The following CFAP54 variants were observed in gnomAD, a reference collection of about 807,000 sequenced individuals.
CFAP54 encodes cilia and flagella associated protein 54, also known as cilia- and flagella-associated protein 54.
In CFAP54, 290 loss-of-function variants were observed where a neutral mutation model predicts 370.4. The observed-to-expected ratio is 0.78, with a 90% confidence interval of 0.71 to 0.86. The LOEUF is 0.86. CFAP54 is among the 40% of genes least tolerant of loss of function. The probability of loss-of-function intolerance (pLI) is 0.00; values close to 1 mark genes in which losing one functional copy is unlikely to be tolerated. For synonymous variants in CFAP54, 1,206 were observed against 1,236.5 expected, an observed-to-expected ratio of 0.98 and a Z score of 0.52; for missense variants, 3,399 against 3,528.7, an observed-to-expected ratio of 0.96 and a Z score of 0.93.
At chr12:96,625,223 C>A (rs934244356) in intron 28 of CFAP54, among the ~76,000 whole-genome samples, 2 of 152,146 alleles carry the variant, frequency 1.3e-5, no homozygotes, top group African/African-American at 2.4e-5. Flanking sequence ...CTATTATTAT[C>A]TCCATTATAA....
chr12:96,525,344 G>A (rs1353384902), intron 8 of CFAP54, among the ~76,000 whole-genome samples: 1 of 151,322 alleles, frequency 6.6e-6, no homozygotes, highest in African/African-American at 2.4e-5. Context: ...TTATTATTTT[G>A]CTTTTCATAC....
chr12:96,489,960 G>T (rs1319966772), intron 1 of CFAP54, 34 bp downstream of exon 1: 4 of 1,503,446 alleles, frequency 2.7e-6, no homozygotes, highest in Non-Finnish European at 3.5e-6. Context: ...GAGGGCGCCG[G>T]CCAGAGGAGG....
chr12:96,658,477 C>A, intron 38 of CFAP54, 131 bp downstream of exon 38: 1 of 1,117,702 alleles, frequency 8.9e-7, no homozygotes, highest in Non-Finnish European at 1.3e-6. Flanking sequence ...TGGCATTTAT[C>A]ATTCAAATCA....
At chr12:96,791,549 A>G (rs1958693916) in intron 62 of CFAP54, among the ~76,000 whole-genome samples, 1 of 152,202 alleles carries the variant, frequency 6.6e-6, no homozygotes, top group African/African-American at 2.4e-5. Flanking sequence ...GAGGATTTTA[A>G]CTTTTCAGAG....
chr12:96,668,861 G>A (rs1005682295), intron 39 of CFAP54, among the ~76,000 whole-genome samples: 9 of 152,276 alleles, frequency 5.9e-5, no homozygotes, highest in East Asian at 3.9e-4. Context: ...TTGTATATGC[G>A]TATAAATGTA....
intron 38 of CFAP54, among the ~76,000 whole-genome samples, chr12:96,661,618 G>A (rs1013728370): frequency 1.3e-5 from 2 of 152,108 alleles, no homozygotes; most frequent in African/African-American, 2.4e-5. Flanking sequence ...TGGAGACTGC[G>A]GGCATGTTAG....
intron 39 of CFAP54, among the ~76,000 whole-genome samples, chr12:96,675,759 T>TA (rs1243432120): frequency 6.6e-6 from 1 of 152,000 alleles, no homozygotes; most frequent in Non-Finnish European, 1.5e-5. Flanking sequence ...TATGCAGCCA[T>TA]AAAAAATGAT....
At chr12:96,657,125 GGGAAGGCT>G (rs1956930508) in intron 36 of CFAP54, among the ~76,000 whole-genome samples, 1 of 152,156 alleles carries the variant, frequency 6.6e-6, no homozygotes, top group Admixed American at 6.5e-5. Context: ...TTATTGGGAT[GGGAAGGCT>G]GGACTTGAGT....
chr12:96,695,465 A>G (rs1957432037), intron 45 of CFAP54, among the ~76,000 whole-genome samples: 1 of 152,228 alleles, frequency 6.6e-6, no homozygotes. Context: ...TTTGTTACTG[A>G]TCATGAAAAT....
chr12:96,722,132 A>C (rs1057474570), intron 50 of CFAP54, among the ~76,000 whole-genome samples: 16 of 152,064 alleles, frequency 1.1e-4, no homozygotes, highest in African/African-American at 3.1e-4. Context: ...CCTCAGTGCC[A>C]CCCACCAACC....
intron 66 of CFAP54, among the ~76,000 whole-genome samples, chr12:96,847,399 C>T (rs909171621): frequency 1.9e-4 from 29 of 152,142 alleles, no homozygotes; most frequent in Admixed American, 1.8e-3. Context: ...CATCCTTATG[C>T]GTTTTTATGG....
At chr12:96,605,532 A>G (rs1458578033) in intron 26 of CFAP54, among the ~76,000 whole-genome samples, 2 of 152,244 alleles carry the variant, frequency 1.3e-5, no homozygotes, top group Non-Finnish European at 2.9e-5. Context: ...AGAGTGCTGT[A>G]TCTGGACATC....
chr12:96,577,948 G>C (rs1310649563), intron 20 of CFAP54, among the ~76,000 whole-genome samples: 1 of 152,024 alleles, frequency 6.6e-6, no homozygotes, highest in Admixed American at 6.6e-5. Flanking sequence ...TGTAATCCCA[G>C]CTACTCAGGA....
At chr12:96,810,564 A>G (rs890100224) in intron 63 of CFAP54, among the ~76,000 whole-genome samples, 10 of 152,184 alleles carry the variant, frequency 6.6e-5, no homozygotes, top group African/African-American at 2.4e-4. Context: ...AAGCACAGGA[A>G]AATAACAAGA....
At position 96,774,865 on chromosome 12, in the gene CFAP54, T is replaced by TA. The variant is rs1057270629; in HGVS notation, c.8281+9654dup. On this transcript the variant is annotated intron_variant, in intron 60 of 67. Coordinates refer to ENST00000524981, the MANE Select transcript of CFAP54 (RefSeq NM_001306084.2). ...GTTATCTTCTTATTGTATTATAATT[T>TA]AAAAAAATTATTTCTATTAGTTGTT... is the stretch of plus-strand genomic sequence containing the variant. Among the ~76,000 whole-genome samples the TA allele has an allele frequency of 3.9e-5, 6 of 152,282 alleles. No individual in the cohort carries two copies. In the East Asian group the frequency reaches 1.2e-3, roughly 29 times the overall value.
intron 9 of CFAP54, 64 bp from the exon 10 acceptor site, chr12:96,533,728 G>A: frequency 1.6e-6 from 2 of 1,218,254 alleles, no homozygotes; most frequent in Admixed American, 2.9e-5. Flanking sequence ...AGTGTCTATA[G>A]TGAATATTTA....
At chr12:96,668,521 T>C (rs1957106320) in intron 39 of CFAP54, among the ~76,000 whole-genome samples, 2 of 152,164 alleles carry the variant, frequency 1.3e-5, no homozygotes, top group South Asian at 4.1e-4. Context: ...ATGAGACTTA[T>C]TCATTATCAT....
intron 61 of CFAP54, among the ~76,000 whole-genome samples, chr12:96,785,881 C>A (rs1016785306): frequency 6.6e-6 from 1 of 152,200 alleles, no homozygotes; most frequent in Non-Finnish European, 1.5e-5. Context: ...ATACCAGCTT[C>A]TCAGTCTCTC....
chr12:96,567,105 A>G (rs1232522258), intron 19 of CFAP54, among the ~76,000 whole-genome samples: 1 of 152,190 alleles, frequency 6.6e-6, no homozygotes, highest in Admixed American at 6.5e-5. Flanking sequence ...GAATTTGAAT[A>G]CTGAAAGAGC....
Sources: gnomAD v4.1 joint callset for allele counts (sites outside exome capture counted in the v4.1 genomes callset) on GRCh38, gnomAD v4.1.1 for gene constraint, MANE v1.5 for transcripts, NCBI Gene and HGNC (gene_info 2026-07-23, HGNC 2026-07-21) for gene names.